Variants in LEKR1 observed in about 807,000 individuals in gnomAD.
LEKR1 encodes protein LEKR1.
A neutral mutation model predicts 72.4 loss-of-function variants in LEKR1; 59 were observed. The ratio of observed to expected loss-of-function variants is 0.82; its 90% confidence interval spans 0.66 to 1.01. LEKR1 has a LOEUF of 1.01. Among genes scored for constraint, LEKR1 ranks in the 50% least tolerant of loss-of-function variants. The pLI is 0.00. For synonymous variants in LEKR1, 257 were observed against 263.2 expected (o/e 0.98, Z 0.23); for missense variants, 728 against 759.2 (o/e 0.96, Z 0.48).
At chr3:156,978,063 A>G (rs1210547009) in intron 6 of LEKR1, among the ~76,000 whole-genome samples, 1 of 152,210 alleles carries the variant, frequency 6.6e-6, no homozygotes, top group Non-Finnish European at 1.5e-5. Flanking sequence ...TGCTAAGCAA[A>G]CTATTCTTAG....
rs530829376 is a variant in LEKR1, at chr3:156,966,053, T to C, written c.746-13141T>C. Among the ~76,000 whole-genome samples the C allele has an allele frequency of 2.0e-5, 3 of 152,238 alleles. No homozygotes were observed. In the East Asian group the frequency reaches 5.8e-4, roughly 29 times the overall value. ...TTATATTTTATTAGAAATCTCACAA[T>C]TTCAACCATGTAATTAACTAATGTA... is the stretch of plus-strand genomic sequence containing the variant. On this transcript the variant is annotated intron_variant, in intron 6 of 12. Transcript: ENST00000356539.
chr3:156,883,866 T>G (rs2321291), intron 3 of LEKR1, among the ~76,000 whole-genome samples: 132,142 of 152,150 alleles, frequency 0.87, 57,691 homozygotes, highest in African/African-American at 0.96. Flanking sequence ...TTCCAATGCT[T>G]TTAGTGGAGT....
intron 7 of LEKR1, among the ~76,000 whole-genome samples, chr3:156,985,938 G>A (rs1730640326): frequency 6.6e-6 from 1 of 152,060 alleles, no homozygotes; most frequent in African/African-American, 2.4e-5. Context: ...ATAAGAGGAA[G>A]CAAGAGGGTC....
Position 156,949,652 on chromosome 3 carries a change from C to T in LEKR1, c.745+6938C>T, listed in dbSNP as rs1435234980. Among the ~76,000 whole-genome samples, 9 of 151,036 alleles carry T rather than the reference C, an allele frequency of 6.0e-5. No individual in the cohort carries two copies. In the South Asian group the frequency reaches 1.9e-3, roughly 31 times the overall value. ...AAAATGGGTATAATAACAGTCCCGA[C>T]CTTCTAGGGTTTTCACAAGGATTTT... On this transcript the variant is annotated intron_variant, in intron 6 of 12. Transcript: ENST00000356539.
At chr3:156,828,409 AC>A (rs906220676) in intron 1 of LEKR1, among the ~76,000 whole-genome samples, 3 of 151,790 alleles carry the variant, frequency 2.0e-5, no homozygotes, top group African/African-American at 4.8e-5. Context: ...ACTAACTCCC[AC>A]CTCTCATCTG....
intron 6 of LEKR1, chr3:156,977,455 T>A: frequency 2.1e-6 from 1 of 481,352 alleles, no homozygotes; most frequent in Non-Finnish European, 4.2e-6. Flanking sequence ...ATGAACTCAG[T>A]GCCCACCCCT....
intron 2 of LEKR1, among the ~76,000 whole-genome samples, chr3:156,842,887 ATCT>A (rs1256923822): frequency 1.3e-5 from 2 of 152,194 alleles, no homozygotes; most frequent in South Asian, 2.1e-4. Flanking sequence ...TCAGACTTCC[ATCT>A]TCTTAAGTGG....
chr3:156,900,194 T>TAA (rs1466737295), intron 3 of LEKR1, among the ~76,000 whole-genome samples: 3 of 152,130 alleles, frequency 2.0e-5, no homozygotes, highest in African/African-American at 7.2e-5. Flanking sequence ...AGAATGTGGG[T>TAA]CCATTGTTTT....
chr3:156,869,952 T>C (rs113275762), intron 3 of LEKR1, among the ~76,000 whole-genome samples: 5 of 152,108 alleles, frequency 3.3e-5, no homozygotes, highest in African/African-American at 1.2e-4. Flanking sequence ...TACCATTTAT[T>C]GAAGAGGGTG....
chr3:156,835,421 T>C (rs562150279), intron 2 of LEKR1, among the ~76,000 whole-genome samples: 36 of 152,236 alleles, frequency 2.4e-4, no homozygotes, highest in Non-Finnish European at 3.1e-4. Context: ...AGCTGTAAGA[T>C]AGAACAGATC....
At chr3:157,002,758 A>C (rs532887605) in intron 9 of LEKR1, among the ~76,000 whole-genome samples, 1 of 152,314 alleles carries the variant, frequency 6.6e-6, no homozygotes, top group South Asian at 2.1e-4. Context: ...CTTTGTTAGA[A>C]ATGTCATAAA....
intron 10 of LEKR1, among the ~76,000 whole-genome samples, chr3:157,023,719 C>A (rs1196199790): frequency 2.0e-5 from 3 of 152,114 alleles, no homozygotes; most frequent in African/African-American, 7.2e-5. Context: ...GATTAAGAGC[C>A]AGGATTTAAA....
intron 3 of LEKR1, among the ~76,000 whole-genome samples, chr3:156,892,680 C>T (rs1389322255): frequency 1.3e-5 from 2 of 152,196 alleles, no homozygotes; most frequent in Non-Finnish European, 2.9e-5. Context: ...CTTTACCATT[C>T]AACTTCCTTG....
intron 6 of LEKR1, among the ~76,000 whole-genome samples, chr3:156,976,081 G>A (rs1321301566): frequency 1.3e-5 from 2 of 152,078 alleles, no homozygotes; most frequent in Non-Finnish European, 2.9e-5. Context: ...TATTTATTAA[G>A]GACAGGAACT....
Position 156,981,989 on chromosome 3 carries a change from T to G in LEKR1, c.827+2714T>G, listed in dbSNP as rs551402541. Among the ~76,000 whole-genome samples the G allele has an allele frequency of 5.8e-4, 89 of 152,328 alleles. No homozygotes were observed. The Middle Eastern group carries it at 0.01, about 17-fold the overall frequency. On this transcript the variant is annotated intron_variant, in intron 7 of 12. Coordinates refer to ENST00000356539, the MANE Select transcript of LEKR1 (RefSeq NM_001004316.3). Reference sequence around the variant, plus strand: ...CCTGTAAGTTAATTCTTTGTGTTGTTTAAAGATTTTTAAATATTTGGATAT... The same window carrying G: ...CCTGTAAGTTAATTCTTTGTGTTGTGTAAAGATTTTTAAATATTTGGATAT...
At chr3:157,023,900 C>G (rs1000665338) in intron 10 of LEKR1, among the ~76,000 whole-genome samples, 5 of 152,126 alleles carry the variant, frequency 3.3e-5, no homozygotes, top group Admixed American at 6.5e-5. Flanking sequence ...TCCTGATAAA[C>G]CCATCATAAA....
At chr3:156,920,067 A>C (rs927145978) in intron 3 of LEKR1, among the ~76,000 whole-genome samples, 4 of 152,104 alleles carry the variant, frequency 2.6e-5, no homozygotes, top group Admixed American at 2.6e-4. Context: ...AAGTGGAAGC[A>C]ACATGAGGCC....
chr3:156,840,185 G>A (rs1713721694), intron 2 of LEKR1, among the ~76,000 whole-genome samples: 1 of 152,150 alleles, frequency 6.6e-6, no homozygotes, highest in Admixed American at 6.5e-5. Flanking sequence ...AAGGCTTCCT[G>A]TCAACAGTAG....
intron 3 of LEKR1, among the ~76,000 whole-genome samples, chr3:156,919,523 C>G (rs577741486): frequency 6.6e-6 from 1 of 152,256 alleles, no homozygotes; most frequent in East Asian, 1.9e-4. Context: ...TTCTTTTTAT[C>G]AGGAAATTTC....
Sources: gnomAD v4.1 joint callset for allele counts (sites outside exome capture counted in the v4.1 genomes callset) on GRCh38, gnomAD v4.1.1 for gene constraint, MANE v1.5 for transcripts, NCBI Gene and HGNC (gene_info 2026-07-23, HGNC 2026-07-21) for gene names.